AXIN1: variants seen among roughly 807,000 people sequenced by gnomAD.
The protein encoded by AXIN1 is axin-1.
A neutral mutation model predicts 76.4 loss-of-function variants in AXIN1; 30 were observed. The observed-to-expected ratio is 0.39, with a 90% confidence interval of 0.29 to 0.53. The LOEUF is 0.53. Ranked by LOEUF, AXIN1 falls within the 20% of genes least tolerant of loss-of-function variation. The probability of loss-of-function intolerance (pLI) is 0.66; values close to 1 mark genes in which losing one functional copy is unlikely to be tolerated. For synonymous variants in AXIN1, 545 were observed against 501.4 expected (o/e 1.09, Z -1.16); for missense variants, 1,140 against 1,198.8 (o/e 0.95, Z 0.72).
chr16:349,274 C>A (rs28460419), intron 1 of AXIN1, among the ~76,000 whole-genome samples: 36 of 152,250 alleles, frequency 2.4e-4, no homozygotes, highest in Non-Finnish European at 4.9e-4. Flanking sequence ...CACACAGCTT[C>A]TAAAGGTCAA....
Position 325,696 on chromosome 16 carries a change from G to A in AXIN1, c.879-11013C>T, listed in dbSNP as rs373920199. Among the ~76,000 whole-genome samples the A allele has an allele frequency of 2.6e-4, 40 of 152,354 alleles. No individual in the cohort carries two copies. The East Asian group carries it at 6.9e-3, about 26-fold the overall frequency. On this transcript the variant is annotated intron_variant, in intron 2 of 10. Transcript: ENST00000262320. ...GTGTACAACTTATGGTCTGTCCCAC[G>A]TGGCTGCAGGCTCCAGCCCTGAGAA...
At position 310,059 on chromosome 16, in the gene AXIN1, G is replaced by A. The variant is rs2141574117; in HGVS notation, c.1030C>T (p.Pro344Ser). 2 of 1,611,300 alleles carry A rather than the reference G, an allele frequency of 1.2e-6. No individual in the cohort carries two copies. Among genetic ancestry groups the A allele is most frequent in the South Asian group, 1.1e-5 (1 of 90,638 alleles). Residue 344 changes from proline (P) to serine (S), a missense_variant, in exon 4 of 11, where the codon CCC (proline) becomes TCC (serine). Pro to Ser is a moderately conservative substitution (Grantham distance 74). This residue lies in a region of AXIN1 where 708 missense variants were observed against 776.9 expected (regional missense o/e 0.91). Coordinates refer to ENST00000262320, the MANE Select transcript of AXIN1 (RefSeq NM_003502.4). ...TGCTGCTTACGGATCCTGTATGGGG[G>A]GATCCCATCCCTGTCCAGGAGAAAG... ...SLTDSSVDGIPPYRIRKQHRR... is the reference protein window; with the variant it reads ...SLTDSSVDGISPYRIRKQHRR...
chr16:334,009 T>G (rs1042500614), intron 2 of AXIN1, among the ~76,000 whole-genome samples: 2 of 122,582 alleles, frequency 1.6e-5, no homozygotes, highest in African/African-American at 3.3e-5. Context: ...TGGCATCCAA[T>G]AACACAGCAC....
intron 6 of AXIN1, 68 bp downstream of exon 6, chr16:297,654 G>C (rs1219527937): frequency 6.7e-7 from 1 of 1,483,204 alleles, no homozygotes; most frequent in South Asian, 1.3e-5. Context: ...TTTATGAGGA[G>C]GTTCTGGCCT....
rs182909642 is a variant in AXIN1, at chr16:290,043, G to A, written c.2295-436C>T. On this transcript the variant is annotated intron_variant, in intron 9 of 10. Transcript: ENST00000262320. ...GCCTGACCCCGCAGCGAAGTTTGTC[G>A]GAGGACTGGGGCGGGGGTGGCCAGC... is the stretch of plus-strand genomic sequence containing the variant. The A allele has an allele frequency of 1.9e-3, 509 of 269,238 alleles. 2 individuals are homozygous for A. Among genetic ancestry groups the A allele is most frequent in the Non-Finnish European group, 3.0e-3 (409 of 137,418 alleles). 16.7% of individuals were successfully genotyped at this position (269,238 alleles called of 1,614,324 possible).
At chr16:309,186 C>T (rs188295139) in intron 4 of AXIN1, among the ~76,000 whole-genome samples, 5 of 151,912 alleles carry the variant, frequency 3.3e-5, no homozygotes, top group East Asian at 1.9e-4. Context: ...AAAAATTAGC[C>T]GGGCGTGGTG....
At chr16:342,429 C>T (rs548730274) in intron 2 of AXIN1, among the ~76,000 whole-genome samples, 1 of 152,326 alleles carries the variant, frequency 6.6e-6, no homozygotes, top group East Asian at 1.9e-4. Flanking sequence ...ATATGCATCC[C>T]CTAACACGTG....
intron 2 of AXIN1, among the ~76,000 whole-genome samples, chr16:315,332 A>G (rs2053275271): frequency 6.6e-6 from 1 of 152,214 alleles, no homozygotes; most frequent in South Asian, 2.1e-4. Flanking sequence ...TGTCATTTAA[A>G]CTTCTTCCTC....
intron 7 of AXIN1, among the ~76,000 whole-genome samples, chr16:294,847 G>A (rs2052665932): frequency 6.6e-6 from 1 of 151,106 alleles, no homozygotes; most frequent in Admixed American, 6.6e-5. Context: ...CGGATCACGA[G>A]GTCAAGAGAT....
intron 5 of AXIN1, among the ~76,000 whole-genome samples, chr16:303,757 G>A (rs75686615): frequency 3.9e-5 from 6 of 152,158 alleles, no homozygotes; most frequent in African/African-American, 1.2e-4. Context: ...CTAATTTTTC[G>A]TGGCCATGTG....
chr16:295,058 C>T (rs1468179867), intron 7 of AXIN1, among the ~76,000 whole-genome samples: 6 of 140,656 alleles, frequency 4.3e-5, no homozygotes, highest in Admixed American at 3.5e-4. Flanking sequence ...AGCAAGACTC[C>T]GTCTCAAAAA....
intron 2 of AXIN1, among the ~76,000 whole-genome samples, chr16:326,380 T>A (rs1181509016): frequency 3.0e-4 from 38 of 125,970 alleles, no homozygotes; most frequent in East Asian, 8.8e-4. Flanking sequence ...AAAATATATA[T>A]ATATATATAT....
intron 2 of AXIN1, among the ~76,000 whole-genome samples, chr16:337,010 C>T (rs1452059004): frequency 6.7e-6 from 1 of 150,374 alleles, no homozygotes; most frequent in Non-Finnish European, 1.5e-5. Flanking sequence ...ATTAGCCGGG[C>T]ATGGTGGCAG....
intron 2 of AXIN1, among the ~76,000 whole-genome samples, chr16:328,881 G>A (rs367744517): frequency 2.6e-4 from 39 of 151,860 alleles, no homozygotes; most frequent in Middle Eastern, 3.4e-3. Flanking sequence ...CTGCTGCTCC[G>A]CTTTCCAGGA....
chr16:327,472 TTTTC>T (rs1457487747), intron 2 of AXIN1, among the ~76,000 whole-genome samples: 4 of 152,160 alleles, frequency 2.6e-5, no homozygotes, highest in East Asian at 3.9e-4. Context: ...GCGGCCAGCC[TTTTC>T]TTTGTTTTAT....
intron 2 of AXIN1, among the ~76,000 whole-genome samples, chr16:341,523 G>T (rs1372373938): frequency 6.6e-6 from 1 of 152,250 alleles, no homozygotes; most frequent in African/African-American, 2.4e-5. Context: ...GGGAGCTGCA[G>T]CCCGCCATGC....
In AXIN1 at chr16:297,781, G is replaced by A. The variant is rs1483131648; in HGVS notation, c.1725C>T (p.Ser575=). 6.3e-7 allele frequency: 1 copy of A among 1,575,220 alleles called. No individual in the cohort carries two copies. The highest frequency in any genetic ancestry group is 1.3e-5 in the African/African-American group (1 of 74,252). Reference sequence around the variant, plus strand: ...CGCCAACACTCTCTGAGTAGCCTCGGGACCTTGCCCCATGGCTGTGTGGTT... The same window carrying A: ...CGCCAACACTCTCTGAGTAGCCTCGAGACCTTGCCCCATGGCTGTGTGGTT... ...GLEPHSHGAR[S]RGYSESVGAA... is the part of the protein sequence containing the mutation. The change falls in exon 6 of 11, where the codon TCC becomes TCT. Residue 575 remains serine (S), a synonymous_variant. Coordinates refer to ENST00000262320, the MANE Select transcript of AXIN1 (RefSeq NM_003502.4).
chr16:287,543 G>GCTGGC lies in AXIN1; in HGVS notation c.*574_*578dup, dbSNP rs1650804904. 1 of 305,870 alleles carries GCTGGC rather than the reference G, an allele frequency of 3.3e-6. No individual in the cohort carries two copies. Among genetic ancestry groups the GCTGGC allele is most frequent in the South Asian group, 6.4e-5 (1 of 15,552 alleles). The allele number at this position is 305,870 out of a possible 1,614,324, so 18.9% of individuals were successfully genotyped here. On this transcript the variant is annotated 3_prime_UTR_variant, in exon 11 of 11. Coordinates refer to ENST00000262320, the MANE Select transcript of AXIN1 (RefSeq NM_003502.4). ...TGAAAAACAGACTCGGGCAGCCCCT[G>GCTGGC]CTGGCCTAGCCTGAGAAATGTACAT...
rs1034150153 is a variant in AXIN1, at chr16:340,199, G to A, written c.878+5949C>T. Among the ~76,000 whole-genome samples, 12 of 152,096 alleles carry A rather than the reference G, an allele frequency of 7.9e-5. No homozygotes were observed. In the South Asian group the frequency reaches 2.1e-3, roughly 26 times the overall value. ...GCTGCCCACCTCGAAAGGACCCACC[G>A]GTCCTCTGAGCAGCTCCAGGAACCA... On this transcript the variant is annotated intron_variant, in intron 2 of 10. Transcript: ENST00000262320.
Sources: gnomAD v4.1 joint callset for allele counts (sites outside exome capture counted in the v4.1 genomes callset) on GRCh38, gnomAD v4.1.1 for gene constraint, gnomAD v4.1.1 regional missense constraint, MANE v1.5 for transcripts, NCBI Gene and HGNC (gene_info 2026-07-23, HGNC 2026-07-21) for gene names.